Variants in ADGRA2 observed in about 807,000 individuals in gnomAD.
ADGRA2 encodes the protein adhesion G protein-coupled receptor A2.
A neutral mutation model predicts 98.7 loss-of-function variants in ADGRA2; 61 were observed. The observed-to-expected ratio is 0.62, with a 90% CI of 0.50 to 0.76. ADGRA2 has a LOEUF of 0.76. ADGRA2 is among the 30% of genes least tolerant of loss of function. The probability of loss-of-function intolerance (pLI) is 0.00; values close to 1 mark genes in which losing one functional copy is unlikely to be tolerated. For synonymous variants in ADGRA2, 858 were observed against 831.5 expected (o/e 1.03, Z -0.55); for missense variants, 1,712 against 1,860.0 (o/e 0.92, Z 1.46).
chr8:37,811,347 T>C (rs1223020262), intron 1 of ADGRA2, among the ~76,000 whole-genome samples: 3 of 150,150 alleles, frequency 2.0e-5, no homozygotes, highest in Non-Finnish European at 3.0e-5. Flanking sequence ...TTTTTTTGTA[T>C]TTTTAGTAGA....
At position 37,841,428 on chromosome 8, in the gene ADGRA2, G is replaced by T. The variant is rs1284464590; in HGVS notation, c.3090G>T (p.Leu1030Phe). 3.7e-6 allele frequency: 6 copies of T among 1,612,972 alleles called. No individual in the cohort carries two copies. Among genetic ancestry groups the T allele is most frequent in the Non-Finnish European group, 5.1e-6 (6 of 1,179,834 alleles). Residue 1030 changes from leucine to phenylalanine, a missense_variant, in exon 19 of 19, where the codon TTG becomes TTT. By Grantham distance (22) the Leu-to-Phe change is conservative. Transcript: ENST00000412232. This position sits in a 1 kb window ranked among gnomAD's most constrained non-coding sequence, Gnocchi z 5.0. The part of the protein sequence containing the change: ...GALVTTHFLY[L>F]AMWACGALAV... ...TGGTGACCACGCACTTCCTGTACTTGGCCATGTGGGCCTGCGGGGCTCTGG... is the reference window on the plus strand; with the variant it reads ...TGGTGACCACGCACTTCCTGTACTTTGCCATGTGGGCCTGCGGGGCTCTGG...
At position 37,844,632 on chromosome 8, in the gene ADGRA2, G is replaced by C. The variant is rs776640943; in HGVS notation, c.*2277G>C. On this transcript the variant is annotated 3_prime_UTR_variant, in exon 19 of 19. Coordinates refer to ENST00000412232, the MANE Select transcript of ADGRA2 (RefSeq NM_032777.10). The stretch of plus-strand genomic sequence containing the variant: ...ATCTCCAGTGACAGTGGAGACAGGG[G>C]GTACAGGGCAGATCCGCTTCGGGGA... 3 of 1,614,000 alleles carry C rather than the reference G, an allele frequency of 1.9e-6. No homozygotes were observed. The highest frequency in any genetic ancestry group is 2.7e-5 in the African/African-American group (2 of 74,898).
chr8:37,841,952 G>A lies in ADGRA2; in HGVS notation c.3614G>A (p.Arg1205His). ...ACGKNRLKAL[R>H]GGAAGALELL... Reference sequence around the variant, plus strand: ...GGCAAGAACCGGCTCAAGGCCCTGCGCGGGGGCGCGGCGGGGGCGCTGGAG... The same window carrying A: ...GGCAAGAACCGGCTCAAGGCCCTGCACGGGGGCGCGGCGGGGGCGCTGGAG... Residue 1205 changes from arginine to histidine, a missense_variant, in exon 19 of 19, where the codon CGC (arginine) becomes CAC (histidine). Physicochemically the swap from Arg to His is conservative, Grantham distance 29 (BLOSUM62 0). Transcript: ENST00000412232. The surrounding 1 kb of genome is among the most constrained non-coding windows in gnomAD (Gnocchi z 5.0). 1 of 1,505,116 alleles carries A rather than the reference G, an allele frequency of 6.6e-7. No individual in the cohort carries two copies. 93.2% of individuals were successfully genotyped at this position (1,505,116 alleles called of 1,614,324 possible).
At position 37,841,698 on chromosome 8, in the gene ADGRA2, C is replaced by A; in HGVS notation, c.3360C>A (p.Ser1120=). ...AGGGCCCCCCCTCCCTCAAGTCCTC[C>A]CCAAGCGGCAGCAGCGGCCATCCGC... ...FGEGPPSLKS[S]PSGSSGHPLA... The change falls in exon 19 of 19, where the codon TCC becomes TCA. Residue 1120 remains serine, a synonymous_variant. Coordinates refer to ENST00000412232, the MANE Select transcript of ADGRA2 (RefSeq NM_032777.10). The surrounding 1 kb of genome is among the most constrained non-coding windows in gnomAD (Gnocchi z 5.0). The A allele has an allele frequency of 1.3e-6, 2 of 1,540,220 alleles. No homozygotes were observed. The highest frequency in any genetic ancestry group is 1.7e-6 in the Non-Finnish European group (2 of 1,143,332).
intron 2 of ADGRA2, among the ~76,000 whole-genome samples, chr8:37,818,733 A>G (rs536604130): frequency 6.6e-6 from 1 of 152,362 alleles, no homozygotes; most frequent in South Asian, 2.1e-4. Context: ...GATAGGACCC[A>G]GAAAATAGCA....
Position 37,797,258 on chromosome 8 carries a change from G to A in ADGRA2, c.-11G>A, listed in dbSNP as rs1804354627. 1.6e-6 allele frequency: 2 copies of A among 1,254,350 alleles called. No individual in the cohort carries two copies. Among genetic ancestry groups the A allele is most frequent in the African/African-American group, 3.1e-5 (2 of 63,836 alleles). 77.7% of individuals were successfully genotyped at this position (1,254,350 alleles called of 1,614,324 possible). A position where few individuals can be genotyped will look rare whatever the true frequency, so the allele number is the denominator to read the frequency against. On this transcript the variant is annotated 5_prime_UTR_variant, in exon 1 of 19. Coordinates refer to ENST00000412232, the MANE Select transcript of ADGRA2 (RefSeq NM_032777.10). This position sits in a 1 kb window ranked among gnomAD's most constrained non-coding sequence, Gnocchi z 5.3. ...CCCCAGCGCTGTGGGTCCCCGCGGG[G>A]CGATGGGTTGATGGGCGCCGGGGGA...
chr8:37,824,424 T>C (rs1805214446), intron 2 of ADGRA2, among the ~76,000 whole-genome samples: 1 of 152,112 alleles, frequency 6.6e-6, no homozygotes, highest in Non-Finnish European at 1.5e-5. Context: ...CAGATCTGAT[T>C]TGCAAATATT....
chr8:37,797,136 T>A lies in ADGRA2; in HGVS notation c.-133T>A. 2 of 597,228 alleles carry A rather than the reference T, an allele frequency of 3.3e-6. No individual in the cohort carries two copies. The highest frequency in any genetic ancestry group is 4.5e-6 in the Non-Finnish European group (2 of 440,020). The allele number at this position is 597,228 out of a possible 1,614,324, so 37.0% of individuals were successfully genotyped here. On this transcript the variant is annotated 5_prime_UTR_variant, in exon 1 of 19. Transcript: ENST00000412232. The surrounding 1 kb of genome is among the most constrained non-coding windows in gnomAD (Gnocchi z 5.3). The stretch of plus-strand genomic sequence containing the variant: ...GGCGGCGGGGACCCCGGGGCTCGCC[T>A]CCGCCCAGGGCCCCCCTCCACGCCC...
At position 37,844,460 on chromosome 8, in the gene ADGRA2, ACAGGATGAAGTGCTCC is replaced by A. The variant is rs764744722; in HGVS notation, c.*2109_*2124del. ...ACAGGAATGTTATCAAGCTGTCAGAACAGGATGAAGTGCTCCCAGTGGATATCCATCAGGGAGGGTT... is the reference window on the plus strand; with the variant it reads ...ACAGGAATGTTATCAAGCTGTCAGAACAGTGGATATCCATCAGGGAGGGTT... On this transcript the variant is annotated 3_prime_UTR_variant, in exon 19 of 19. Coordinates refer to ENST00000412232, the MANE Select transcript of ADGRA2 (RefSeq NM_032777.10). The A allele has an allele frequency of 1.4e-5, 23 of 1,603,654 alleles. No individual in the cohort carries two copies. Among genetic ancestry groups the A allele is most frequent in the Middle Eastern group, 2.2e-4 (1 of 4,610 alleles).
At chr8:37,840,628 C>T (rs1479646266) in intron 17 of ADGRA2, 132 bp from the exon 18 acceptor site, 1 of 671,020 alleles carries the variant, frequency 1.5e-6, no homozygotes, top group African/African-American at 1.8e-5. Flanking sequence ...ACCTTGCATC[C>T]CTGGCAAAAA....
chr8:37,840,632 G>C (rs1805759836), intron 17 of ADGRA2, 128 bp from the exon 18 acceptor site: 13 of 676,316 alleles, frequency 1.9e-5, no homozygotes, highest in Non-Finnish European at 3.5e-5. Context: ...TGCATCCCTG[G>C]CAAAAAATTC....
At chr8:37,813,308 C>T (rs1266792020) in intron 1 of ADGRA2, among the ~76,000 whole-genome samples, 1 of 152,100 alleles carries the variant, frequency 6.6e-6, no homozygotes, top group Non-Finnish European at 1.5e-5. Flanking sequence ...CCTGATGAGA[C>T]CTTTAGAGGC....
intron 16 of ADGRA2, 42 bp from the exon 17 acceptor site, chr8:37,840,079 C>T (rs372569085): frequency 2.8e-5 from 42 of 1,525,590 alleles, no homozygotes; most frequent in Non-Finnish European, 3.4e-5. Context: ...AGGGTCCAGT[C>T]GTAGTCCCCA....
chr8:37,837,019 G>GT, intron 13 of ADGRA2, among the ~76,000 whole-genome samples: 1 of 152,348 alleles, frequency 6.6e-6, no homozygotes, highest in African/African-American at 2.4e-5. Flanking sequence ...AGAGAGGACA[G>GT]GCAGTGGACA....
Position 37,840,756 on chromosome 8 carries a change from C to G in ADGRA2, c.2658-4C>G, listed in dbSNP as rs1805764219. On this transcript the variant is annotated splice_polypyrimidine_tract_variant and splice_region_variant and intron_variant, in intron 17 of 18. Transcript: ENST00000412232. ...TGGGACCCCCAATCCCTCATTCCCTCCAGGTTCTATTTGATCGCTGGAGGG... is the reference window on the plus strand; with the variant it reads ...TGGGACCCCCAATCCCTCATTCCCTGCAGGTTCTATTTGATCGCTGGAGGG... 1.3e-6 allele frequency: 2 copies of G among 1,557,060 alleles called. No homozygotes were observed. Among genetic ancestry groups the G allele is most frequent in the Non-Finnish European group, 1.8e-6 (2 of 1,129,010 alleles).
In ADGRA2 at chr8:37,839,619, G is replaced by C. The variant is rs755232703; in HGVS notation, c.2508G>C (p.Gln836His). 6.2e-7 allele frequency: 1 copy of C among 1,613,984 alleles called. No individual in the cohort carries two copies. The highest frequency in any genetic ancestry group is 1.6e-4 in the Middle Eastern group (1 of 6,062). The change falls in exon 16 of 19, where the codon CAG becomes CAC. Residue 836 changes from glutamine (Q) to histidine (H), a missense_variant. Transcript: ENST00000412232. ...TCACCAACTACCAGATGGTCTGCCA[G>C]GCGGTAAGCAGGAGAAGGGGCTCTG... ...ITLTNYQMVC[Q>H]AVGITLHYSS...
chr8:37,843,602 G>C lies in ADGRA2; in HGVS notation c.*1247G>C, dbSNP rs917873478. ...GAAGAACAACAGGAAACCAAGGTCT[G>C]ACCTAGGGTTCCCTCCCAGTCTTCA... On this transcript the variant is annotated 3_prime_UTR_variant, in exon 19 of 19. Transcript: ENST00000412232. 6.6e-6 allele frequency: 1 copy of C among 152,260 alleles called. No homozygotes were observed. The highest frequency in any genetic ancestry group is 2.4e-5 in the African/African-American group (1 of 41,450). The allele number at this position is 152,260 out of a possible 1,614,324, so 9.4% of individuals were successfully genotyped here.
intron 1 of ADGRA2, among the ~76,000 whole-genome samples, chr8:37,803,132 C>A (rs373399342): frequency 6.6e-6 from 1 of 152,160 alleles, no homozygotes; most frequent in African/African-American, 2.4e-5. Flanking sequence ...CCCTTCAATG[C>A]GGGTCATGTT....
intron 14 of ADGRA2, 144 bp from the exon 15 acceptor site, chr8:37,838,812 A>C (rs555543594): frequency 1.1e-6 from 1 of 905,174 alleles, no homozygotes; most frequent in African/African-American, 1.7e-5. Flanking sequence ...AAGAGTGGAC[A>C]GCCCGAAGCT....
Sources: gnomAD v4.1 joint callset for allele counts (sites outside exome capture counted in the v4.1 genomes callset) on GRCh38, gnomAD v4.1.1 for gene constraint, Gnocchi (gnomAD v3.1) non-coding constraint, MANE v1.5 for transcripts, NCBI Gene and HGNC (gene_info 2026-07-23, HGNC 2026-07-21) for gene names.